Variants in STK38 observed in about 807,000 individuals in gnomAD.
The protein encoded by STK38 is serine/threonine kinase 38, also known as serine/threonine-protein kinase 38.
STK38 carries 26 observed loss-of-function variants against 59.0 expected under a neutral mutation model. The observed-to-expected ratio is 0.44, with a 90% confidence interval of 0.32 to 0.61. STK38 has a LOEUF of 0.61. Among genes scored for constraint, STK38 ranks in the 20% least tolerant of loss-of-function variants. The pLI is 0.04. For missense variants in STK38, 433 were observed against 566.0 expected (o/e 0.76, Z 2.38); for synonymous variants, 175 against 176.6 (o/e 0.99, Z 0.07).
At chr6:36,498,284 G>A in intron 11 of STK38, 79 bp downstream of exon 11, 5 of 1,539,138 alleles carry the variant, frequency 3.2e-6, no homozygotes, top group Non-Finnish European at 4.4e-6. Context: ...AGATTCAGGA[G>A]ATAACAAAAG....
intron 1 of STK38, among the ~76,000 whole-genome samples, chr6:36,542,525 GTAGTCCTAGC>G (rs532618509): frequency 2.2e-4 from 34 of 152,296 alleles, no homozygotes; most frequent in African/African-American, 8.2e-4. Context: ...GCACACACCA[GTAGTCCTAGC>G]TACTCCAAAG....
intron 2 of STK38, among the ~76,000 whole-genome samples, chr6:36,533,883 C>T (rs1324502032): frequency 6.6e-6 from 1 of 152,216 alleles, no homozygotes; most frequent in Non-Finnish European, 1.5e-5. Context: ...CCCCATGATC[C>T]TAACACGGGA....
chr6:36,534,930 T>C (rs992706291), intron 2 of STK38, among the ~76,000 whole-genome samples: 13 of 150,052 alleles, frequency 8.7e-5, no homozygotes, highest in Non-Finnish European at 1.9e-4. Flanking sequence ...AAATCCTAAA[T>C]ATGCAAATTA....
chr6:36,509,558 C>T (rs557862172), intron 7 of STK38, among the ~76,000 whole-genome samples: 8 of 140,766 alleles, frequency 5.7e-5, no homozygotes, highest in South Asian at 2.2e-4. Flanking sequence ...ACTTAGGCCT[C>T]GGAACCTGGA....
At chr6:36,534,313 T>C (rs1777735790) in intron 2 of STK38, among the ~76,000 whole-genome samples, 1 of 150,668 alleles carries the variant, frequency 6.6e-6, no homozygotes, top group Non-Finnish European at 1.5e-5. Context: ...AAAGAAAAAA[T>C]TCAACACCTA....
Position 36,540,164 on chromosome 6 carries a change from A to G in STK38, c.39T>C (p.Ser13=), listed in dbSNP as rs1421473435. 2.5e-6 allele frequency: 4 copies of G among 1,614,018 alleles called. No individual in the cohort carries two copies. In the Admixed American group the frequency reaches 6.7e-5, roughly 27 times the overall value. The change falls in exon 2 of 14, where the codon AGT becomes AGC. Residue 13 remains serine (S), a synonymous_variant. Coordinates refer to ENST00000229812, the MANE Select transcript of STK38 (RefSeq NM_007271.4). ...TTGTCACCCTTTCCTTTGTGTGGTTACTCATGGATGAGCAAGGTGTTGAGC... is the reference window on the plus strand; with the variant it reads ...TTGTCACCCTTTCCTTTGTGTGGTTGCTCATGGATGAGCAAGGTGTTGAGC... ...MTGSTPCSSM[S]NHTKERVTMT...
intron 7 of STK38, among the ~76,000 whole-genome samples, chr6:36,511,791 G>A (rs960542782): frequency 6.6e-6 from 1 of 151,080 alleles, no homozygotes; most frequent in African/African-American, 2.4e-5. Flanking sequence ...GGGCACAGTG[G>A]CTCACGCCTG....
rs553340133 is a variant in STK38, at chr6:36,545,554, C to G, written c.-6+1636G>C. Among the ~76,000 whole-genome samples, 5 of 152,228 alleles carry G rather than the reference C, an allele frequency of 3.3e-5. No individual in the cohort carries two copies. The South Asian group carries it at 1.0e-3, about 32-fold the overall frequency. ...CTTTGACCTTTCTTTAAACCCTCCTCCACTTCCTCTATTGTAATATAAAAA... is the reference window on the plus strand; with the variant it reads ...CTTTGACCTTTCTTTAAACCCTCCTGCACTTCCTCTATTGTAATATAAAAA... On this transcript the variant is annotated intron_variant, in intron 1 of 13. Coordinates refer to ENST00000229812, the MANE Select transcript of STK38 (RefSeq NM_007271.4).
At chr6:36,528,133 A>G (rs1220436937) in intron 2 of STK38, among the ~76,000 whole-genome samples, 1 of 152,050 alleles carries the variant, frequency 6.6e-6, no homozygotes. Flanking sequence ...AGTGTACAGT[A>G]TGCTGCAGAA....
chr6:36,546,633 C>T (rs1446075843), intron 1 of STK38, among the ~76,000 whole-genome samples: 3 of 152,174 alleles, frequency 2.0e-5, no homozygotes, highest in Non-Finnish European at 4.4e-5. Flanking sequence ...CCGACTTTTT[C>T]CTCTGGCTGT....
Position 36,507,527 on chromosome 6 carries a change from G to T in STK38, c.745C>A (p.Leu249Met). Residue 249 changes from leucine to methionine, a missense_variant, in exon 8 of 14, where the codon CTG becomes ATG. Physicochemically the swap from Leu to Met is conservative, Grantham distance 15. Around this residue, in one of 3 missense-constraint regions of STK38, gnomAD observed 293 missense variants for 388.2 expected, o/e 0.75. Coordinates refer to ENST00000229812, the MANE Select transcript of STK38 (RefSeq NM_007271.4). ...KAHRTEFYRNLNHSLPSDFTF... is the reference protein window; with the variant it reads ...KAHRTEFYRNMNHSLPSDFTF... Reference sequence around the variant, plus strand: ...AAATCACTGGGGAGGCTGTGGTTCAGATTCCTATAAAATTCTGTCCTATGT... The same window carrying T: ...AAATCACTGGGGAGGCTGTGGTTCATATTCCTATAAAATTCTGTCCTATGT... 1 of 1,614,102 alleles carries T rather than the reference G, an allele frequency of 6.2e-7. No homozygotes were observed. Among genetic ancestry groups the T allele is most frequent in the Non-Finnish European group, 8.5e-7 (1 of 1,179,996 alleles).
At chr6:36,544,334 A>T (rs972708613) in intron 1 of STK38, among the ~76,000 whole-genome samples, 1 of 152,106 alleles carries the variant, frequency 6.6e-6, no homozygotes, top group Non-Finnish European at 1.5e-5. Flanking sequence ...ATTAAAAAAA[A>T]CAAAAACAAC....
chr6:36,506,471 T>TA (rs1776964808), intron 9 of STK38, 112 bp downstream of exon 9: 1 of 1,138,692 alleles, frequency 8.8e-7, no homozygotes, highest in Non-Finnish European at 1.3e-6. Context: ...TAGGTAATCT[T>TA]AAAAGCAAGG....
At position 36,528,787 on chromosome 6, in the gene STK38, G is replaced by A. The variant is rs186074771; in HGVS notation, c.132-3145C>T. On this transcript the variant is annotated intron_variant, in intron 2 of 13. Coordinates refer to ENST00000229812, the MANE Select transcript of STK38 (RefSeq NM_007271.4). The stretch of plus-strand genomic sequence containing the variant: ...AGTACTAAACACCATCATACGTCCT[G>A]ACTACACGTTTTTGAATGACTACAT... 9.8e-5 allele frequency among the ~76,000 whole-genome samples: 15 copies of A among 152,306 alleles called. No individual in the cohort carries two copies. The South Asian group carries it at 2.7e-3, about 27-fold the overall frequency.
intron 2 of STK38, among the ~76,000 whole-genome samples, chr6:36,539,123 T>C (rs1777870246): frequency 6.6e-6 from 1 of 151,732 alleles, no homozygotes; most frequent in Admixed American, 6.6e-5. Flanking sequence ...CAGTGGCTCA[T>C]GCCTGTAATC....
intron 2 of STK38, among the ~76,000 whole-genome samples, chr6:36,534,071 C>T (rs922891590): frequency 6.6e-6 from 1 of 152,124 alleles, no homozygotes; most frequent in African/African-American, 2.4e-5. Flanking sequence ...AAAATATTAG[C>T]ATATCAACCC....
chr6:36,499,245 T>A (rs1316474373), intron 10 of STK38, among the ~76,000 whole-genome samples: 1 of 152,178 alleles, frequency 6.6e-6, no homozygotes, highest in Non-Finnish European at 1.5e-5. Flanking sequence ...CCATGCCTCT[T>A]TTTGAGAACT....
At chr6:36,497,160 A>C (rs1386217364) in intron 12 of STK38, among the ~76,000 whole-genome samples, 2 of 151,990 alleles carry the variant, frequency 1.3e-5, no homozygotes, top group Non-Finnish European at 2.9e-5. Context: ...CTTCCACTGG[A>C]GGTGCCAAGT....
chr6:36,535,573 A>G (rs557341672), intron 2 of STK38, among the ~76,000 whole-genome samples: 6 of 152,242 alleles, frequency 3.9e-5, no homozygotes, highest in Admixed American at 2.0e-4. Context: ...TACAGAGTCA[A>G]TATAATTCCA....
Sources: allele counts gnomAD v4.1 joint callset (sites outside exome capture counted in the v4.1 genomes callset), GRCh38; gene constraint gnomAD v4.1.1; regional missense constraint gnomAD v4.1.1; transcripts MANE v1.5; gene names NCBI Gene and HGNC (gene_info 2026-07-23, HGNC 2026-07-21).